Variants in DNER observed in about 807,000 individuals in gnomAD.
DNER encodes the protein delta and Notch-like epidermal growth factor-related receptor.
In DNER, 33 loss-of-function variants were observed where a neutral mutation model predicts 78.2. The observed-to-expected ratio is 0.42, with a 90% CI of 0.32 to 0.56. The LOEUF is 0.56. Ranked by LOEUF, DNER falls within the 20% of genes least tolerant of loss-of-function variation. DNER has a pLI of 0.11. For missense variants in DNER, 918 were observed against 975.3 expected (o/e 0.94, Z 0.78); for synonymous variants, 417 against 384.8 (o/e 1.08, Z -0.98).
intron 8 of DNER, among the ~76,000 whole-genome samples, chr2:229,422,524 C>T (rs1693789833): frequency 6.6e-6 from 1 of 152,048 alleles, no homozygotes. Flanking sequence ...AGATGGCTGC[C>T]ATGTCTAGCT....
intron 1 of DNER, among the ~76,000 whole-genome samples, chr2:229,689,321 T>C (rs764116481): frequency 2.0e-5 from 3 of 152,186 alleles, no homozygotes; most frequent in Non-Finnish European, 4.4e-5. Context: ...GCAGGTGGCT[T>C]TGGTAGAGCC....
rs1012383355 is a variant in DNER at position 229,388,362 on chromosome 2, G to A, written c.1758C>T (p.Asp586=). ...EECDIDINEC[D]SNPCHHGGSC... is the part of the protein sequence containing the mutation. ...TCCCACCATGGTGGCAGGGGTTACT[G>A]TCACATTCATTTATGTCAATGTCGC... The change falls in exon 11 of 13, where the codon GAC becomes GAT. Residue 586 remains aspartate, a synonymous_variant. Transcript: ENST00000341772. The A allele has an allele frequency of 9.3e-6, 15 of 1,611,932 alleles. No homozygotes were observed. In the East Asian group the frequency reaches 3.1e-4, roughly 34 times the overall value.
intron 1 of DNER, among the ~76,000 whole-genome samples, chr2:229,649,845 C>T (rs1288666795): frequency 5.3e-5 from 8 of 152,042 alleles, no homozygotes; most frequent in South Asian, 2.1e-4. Flanking sequence ...GAGGCTGAGG[C>T]GGGCGGATCA....
At chr2:229,587,817 T>G (rs575625776) in intron 3 of DNER, among the ~76,000 whole-genome samples, 2 of 152,170 alleles carry the variant, frequency 1.3e-5, no homozygotes, top group South Asian at 2.1e-4. Context: ...ACCACACATA[T>G]CAGGTCTCAA....
chr2:229,408,390 T>G (rs1040424944), intron 9 of DNER, among the ~76,000 whole-genome samples: 1 of 152,116 alleles, frequency 6.6e-6, no homozygotes, highest in African/African-American at 2.4e-5. Context: ...ATGAATAGAT[T>G]AGTGTCTCTC....
chr2:229,515,779 T>C (rs542510269), intron 5 of DNER, among the ~76,000 whole-genome samples: 70 of 152,142 alleles, frequency 4.6e-4, no homozygotes, highest in African/African-American at 1.7e-3. Context: ...TAGCTGGGAT[T>C]ACAGGCTCCT....
At chr2:229,516,544 C>A (rs1394097903) in intron 5 of DNER, among the ~76,000 whole-genome samples, 1 of 152,100 alleles carries the variant, frequency 6.6e-6, no homozygotes, top group African/African-American at 2.4e-5. Context: ...TGAACAGTGA[C>A]CCTCAGAGAT....
At chr2:229,465,201 C>T (rs1467094143) in intron 7 of DNER, among the ~76,000 whole-genome samples, 1 of 152,186 alleles carries the variant, frequency 6.6e-6, no homozygotes, top group Non-Finnish European at 1.5e-5. Context: ...CAATGATAGA[C>T]TAGACAAAGA....
At chr2:229,597,078 T>G (rs976494609) in intron 1 of DNER, among the ~76,000 whole-genome samples, 1 of 136,816 alleles carries the variant, frequency 7.3e-6, no homozygotes, top group Non-Finnish European at 1.6e-5. Context: ...AACACAAACA[T>G]GTGTGCACAC....
chr2:229,462,796 G>A (rs923160575), intron 7 of DNER, among the ~76,000 whole-genome samples: 3 of 151,936 alleles, frequency 2.0e-5, no homozygotes, highest in South Asian at 2.1e-4. Context: ...CCAGTCTTAC[G>A]CCACATGCTT....
chr2:229,430,149 A>G (rs1164935566), intron 8 of DNER, among the ~76,000 whole-genome samples: 1 of 135,704 alleles, frequency 7.4e-6, no homozygotes, highest in African/African-American at 3.9e-5. Flanking sequence ...AAGGCTTGGA[A>G]AAACATCTTC....
At chr2:229,690,213 T>C (rs1699546495) in intron 1 of DNER, among the ~76,000 whole-genome samples, 1 of 152,130 alleles carries the variant, frequency 6.6e-6, no homozygotes, top group Non-Finnish European at 1.5e-5. Context: ...GCCCAGGGAT[T>C]TGCATTTTAA....
intron 7 of DNER, among the ~76,000 whole-genome samples, chr2:229,464,979 G>T (rs1256411816): frequency 6.6e-6 from 1 of 152,178 alleles, no homozygotes; most frequent in Non-Finnish European, 1.5e-5. Context: ...GAAAGGAAGA[G>T]AGGAATAAGA....
At chr2:229,553,695 G>A (rs369734738) in intron 4 of DNER, among the ~76,000 whole-genome samples, 33 of 152,268 alleles carry the variant, frequency 2.2e-4, no homozygotes, top group African/African-American at 5.5e-4. Flanking sequence ...AGGTTCCTCC[G>A]TACTTCAATC....
chr2:229,565,946 T>C (rs1697098246), intron 4 of DNER, among the ~76,000 whole-genome samples: 1 of 152,194 alleles, frequency 6.6e-6, no homozygotes, highest in Non-Finnish European at 1.5e-5. Flanking sequence ...CAAATACTAG[T>C]AAATCAGTTT....
intron 4 of DNER, among the ~76,000 whole-genome samples, chr2:229,563,925 T>C (rs1574905036): frequency 4.5e-5 from 5 of 112,090 alleles, no homozygotes; most frequent in Admixed American, 1.8e-4. Context: ...CCTTACCCCA[T>C]CACCATTATC....
At chr2:229,387,485 AAGAAAGAAAGAAAGAAAGAAAGAG>A (rs1338494019) in intron 11 of DNER, among the ~76,000 whole-genome samples, 14 of 98,246 alleles carry the variant, frequency 1.4e-4, no homozygotes, top group African/African-American at 4.3e-4. Context: ...TAGAAAGAAA[AAGAAAGAAAGAAAGAAAGAAAGAG>A]AGAAAGAAAG....
intron 5 of DNER, among the ~76,000 whole-genome samples, chr2:229,522,133 A>C (rs1452944942): frequency 2.0e-5 from 3 of 152,222 alleles, no homozygotes; most frequent in Non-Finnish European, 4.4e-5. Context: ...GATAAATTTT[A>C]AATAATAGTA....
At position 229,546,994 on chromosome 2, in the gene DNER, C is replaced by T; in HGVS notation, c.946G>A (p.Asp316Asn). ...TTTCCTTTTCCTGAACACTCCAAGT[C>T]ATTTGCGTGACTCTCCCCCGGCACA... is the stretch of plus-strand genomic sequence containing the variant. Reference protein sequence around the residue: ...TCVPGESHANDLECSGKGKCT... With the variant: ...TCVPGESHANNLECSGKGKCT... Residue 316 changes from aspartate to asparagine, a missense_variant, in exon 5 of 13, where the codon GAC (aspartate) becomes AAC (asparagine). By Grantham distance (23) the Asp-to-Asn change is conservative. Coordinates refer to ENST00000341772, the MANE Select transcript of DNER (RefSeq NM_139072.4). 1.9e-6 allele frequency: 3 copies of T among 1,614,170 alleles called. No individual in the cohort carries two copies. The highest frequency in any genetic ancestry group is 2.5e-6 in the Non-Finnish European group (3 of 1,180,028).
Sources: gnomAD v4.1 joint callset for allele counts (sites outside exome capture counted in the v4.1 genomes callset) on GRCh38, gnomAD v4.1.1 for gene constraint, MANE v1.5 for transcripts, NCBI Gene and HGNC (gene_info 2026-07-23, HGNC 2026-07-21) for gene names.